Variants in ELMO1 observed in about 807,000 individuals in gnomAD.
ELMO1 encodes engulfment and cell motility protein 1.
A neutral mutation model predicts 98.9 loss-of-function variants in ELMO1; 26 were observed. The ratio of observed to expected loss-of-function variants is 0.26; its 90% CI spans 0.19 to 0.36. The LOEUF (loss-of-function observed/expected upper bound fraction) is 0.36. Among genes scored for constraint, ELMO1 ranks in the 10% least tolerant of loss-of-function variants. ELMO1 has a pLI of 1.00. For missense variants in ELMO1, 627 were observed against 935.2 expected (o/e 0.67, Z 4.30); for synonymous variants, 346 against 346.0 (o/e 1.00, Z 0.00).
At chr7:37,346,718 C>T (rs893276707) in intron 1 of ELMO1, among the ~76,000 whole-genome samples, 6 of 152,190 alleles carry the variant, frequency 3.9e-5, no homozygotes, top group African/African-American at 1.4e-4. Flanking sequence ...CATACACAAT[C>T]GTGGGGGTTA....
chr7:37,013,423 C>G lies in ELMO1; in HGVS notation c.1313G>C (p.Cys438Ser). 2 of 1,613,954 alleles carry G rather than the reference C, an allele frequency of 1.2e-6. No homozygotes were observed. Among genetic ancestry groups the G allele is most frequent in the Non-Finnish European group, 1.7e-6 (2 of 1,179,964 alleles). ...GAAGAACATCGGGTGGAAGTCGTTGCAGGTCTCACTAGCTGGAGGAAAGAG... is the reference window on the plus strand; with the variant it reads ...GAAGAACATCGGGTGGAAGTCGTTGGAGGTCTCACTAGCTGGAGGAAAGAG... ...LKVGELPSET[C>S]NDFHPMFFTH... The change falls in exon 16 of 22, where the codon TGC becomes TCC. Residue 438 changes from cysteine (C) to serine (S), a missense_variant. Around this residue, in one of 3 missense-constraint regions of ELMO1, gnomAD observed 492 missense variants for 715.6 expected, o/e 0.69. Transcript: ENST00000310758.
At chr7:37,251,032 G>T (rs185936934) in intron 6 of ELMO1, among the ~76,000 whole-genome samples, 2 of 152,090 alleles carry the variant, frequency 1.3e-5, no homozygotes, top group African/African-American at 4.8e-5. Flanking sequence ...ACAGTGGAAG[G>T]ACACAGAAGT....
chr7:37,013,203 C>T, intron 16 of ELMO1, 96 bp downstream of exon 16: 1 of 1,462,410 alleles, frequency 6.8e-7, no homozygotes, highest in Non-Finnish European at 9.3e-7. Flanking sequence ...CATTTCCCCA[C>T]CTTGCCAATT....
At chr7:37,197,808 A>C (rs1430977648) in intron 13 of ELMO1, among the ~76,000 whole-genome samples, 1 of 152,166 alleles carries the variant, frequency 6.6e-6, no homozygotes, top group Admixed American at 6.5e-5. Flanking sequence ...AAATCATCAG[A>C]GGAAGAGGTG....
chr7:37,436,870 A>C (rs1583762186), intron 1 of ELMO1, among the ~76,000 whole-genome samples: 1 of 152,198 alleles, frequency 6.6e-6, no homozygotes, highest in South Asian at 2.1e-4. Flanking sequence ...GGGTCTGTAC[A>C]CTTGGGACTA....
At chr7:36,976,488 A>G (rs1790560270) in intron 16 of ELMO1, among the ~76,000 whole-genome samples, 2 of 152,200 alleles carry the variant, frequency 1.3e-5, no homozygotes, top group South Asian at 4.1e-4. Flanking sequence ...ACGAGACTTT[A>G]TTACAAATTT....
chr7:37,276,846 C>T (rs1395071678), intron 4 of ELMO1, among the ~76,000 whole-genome samples: 1 of 152,192 alleles, frequency 6.6e-6, no homozygotes, highest in Non-Finnish European at 1.5e-5. Context: ...GTATTGGAGG[C>T]AGGGAATCTC....
intron 1 of ELMO1, among the ~76,000 whole-genome samples, chr7:37,427,016 C>G (rs1169759297): frequency 6.6e-6 from 1 of 151,460 alleles, no homozygotes; most frequent in African/African-American, 2.4e-5. Context: ...CGTCTTTTTT[C>G]CCGAAAAAAA....
intron 13 of ELMO1, among the ~76,000 whole-genome samples, chr7:37,168,479 T>C (rs953004908): frequency 1.3e-5 from 2 of 152,152 alleles, no homozygotes; most frequent in African/African-American, 4.8e-5. Flanking sequence ...TATCTACTTT[T>C]GGTCTTTGAT....
chr7:36,950,982 T>A (rs1316935460), intron 16 of ELMO1, among the ~76,000 whole-genome samples: 2 of 152,088 alleles, frequency 1.3e-5, no homozygotes, highest in Admixed American at 6.5e-5. Flanking sequence ...CAATCATGAT[T>A]CCCCCTCTCC....
Position 37,237,480 on chromosome 7 carries a change from G to C in ELMO1, c.450-4286C>G, listed in dbSNP as rs1013078792. On this transcript the variant is annotated intron_variant, in intron 7 of 21. Coordinates refer to ENST00000310758, the MANE Select transcript of ELMO1 (RefSeq NM_014800.11). ...AATTTTTGTATTTTTAGTAGAGAAGGGGTTTCGCCATGTTAGCCAGGCTGG... is the reference window on the plus strand; with the variant it reads ...AATTTTTGTATTTTTAGTAGAGAAGCGGTTTCGCCATGTTAGCCAGGCTGG... Among the ~76,000 whole-genome samples the C allele has an allele frequency of 2.0e-5, 3 of 152,090 alleles. No individual in the cohort carries two copies. The South Asian group carries it at 6.2e-4, about 32-fold the overall frequency.
intron 14 of ELMO1, among the ~76,000 whole-genome samples, chr7:37,111,966 G>A (rs1486183113): frequency 1.3e-5 from 2 of 152,154 alleles, no homozygotes; most frequent in East Asian, 3.9e-4. Flanking sequence ...GCTTTATCCT[G>A]TGTAGCTCAA....
At chr7:36,998,314 T>C (rs1429223113) in intron 16 of ELMO1, among the ~76,000 whole-genome samples, 2 of 152,196 alleles carry the variant, frequency 1.3e-5, no homozygotes, top group African/African-American at 4.8e-5. Context: ...ATCATGTCTT[T>C]TGTGGCTACA....
chr7:36,978,764 C>T (rs1265645464), intron 16 of ELMO1, among the ~76,000 whole-genome samples: 1 of 152,212 alleles, frequency 6.6e-6, no homozygotes, highest in East Asian at 1.9e-4. Flanking sequence ...AAACTACATA[C>T]ACATCACTGT....
At chr7:37,181,222 C>CA (rs1554436050) in intron 13 of ELMO1, among the ~76,000 whole-genome samples, 1 of 152,138 alleles carries the variant, frequency 6.6e-6, no homozygotes, top group Non-Finnish European at 1.5e-5. Flanking sequence ...AAACCATCAG[C>CA]ATGCCCAGTG....
chr7:37,397,768 C>T (rs1191878218), intron 1 of ELMO1, among the ~76,000 whole-genome samples: 7 of 152,116 alleles, frequency 4.6e-5, no homozygotes, highest in Non-Finnish European at 7.3e-5. Context: ...CATCAACGAT[C>T]GACTGGATAA....
At chr7:37,303,666 T>C (rs1798460868) in intron 4 of ELMO1, among the ~76,000 whole-genome samples, 1 of 152,194 alleles carries the variant, frequency 6.6e-6, no homozygotes, top group Admixed American at 6.5e-5. Flanking sequence ...GGTAAAGAAG[T>C]GCCTGTTTGG....
At chr7:36,948,574 C>T (rs747901064) in intron 16 of ELMO1, among the ~76,000 whole-genome samples, 11 of 152,202 alleles carry the variant, frequency 7.2e-5, no homozygotes, top group Non-Finnish European at 1.6e-4. Flanking sequence ...CATACCACAA[C>T]AGTCTCTACC....
intron 1 of ELMO1, among the ~76,000 whole-genome samples, chr7:37,447,476 C>A (rs1805666840): frequency 2.0e-5 from 3 of 152,134 alleles, no homozygotes. Flanking sequence ...AGAGCTGGGT[C>A]ACTACCTGGG....
Sources: allele counts gnomAD v4.1 joint callset (sites outside exome capture counted in the v4.1 genomes callset), GRCh38; gene constraint gnomAD v4.1.1; regional missense constraint gnomAD v4.1.1; transcripts MANE v1.5; gene names NCBI Gene and HGNC (gene_info 2026-07-23, HGNC 2026-07-21).